Variants in MXRA7 observed in about 807,000 individuals in gnomAD.
MXRA7 encodes the protein matrix remodeling associated 7.
MXRA7 carries 18 observed loss-of-function variants against 17.4 expected under a neutral mutation model. The ratio of observed to expected loss-of-function variants is 1.03; its 90% CI spans 0.71 to 1.53. The LOEUF (loss-of-function observed/expected upper bound fraction) is 1.53, where lower values mean the gene tolerates loss of function less well. Ranked by LOEUF, MXRA7 falls within the 40% of genes most tolerant of loss-of-function variation. The pLI is 0.00. For synonymous variants in MXRA7, 70 were observed against 101.7 expected, an observed-to-expected ratio of 0.69 and a Z score of 1.87; for missense variants, 141 against 209.3, an observed-to-expected ratio of 0.67 and a Z score of 2.01.
rs2076373516 is a variant in MXRA7, at chr17:76,685,165, C to T, written c.407G>A (p.Gly136Glu). The T allele has an allele frequency of 6.2e-7, 1 of 1,612,684 alleles. No homozygotes were observed. Among genetic ancestry groups the T allele is most frequent in the Non-Finnish European group, 8.5e-7 (1 of 1,178,844 alleles). Residue 136 changes from glycine (G) to glutamate (E), a missense_variant and splice_region_variant, in exon 3 of 4, where the codon GGA becomes GAA. Physicochemically the swap from Gly to Glu is moderately conservative, Grantham distance 98 (BLOSUM62 -2). This residue lies in a region of MXRA7 where 67 missense variants were observed against 80.3 expected (regional missense o/e 0.83). Coordinates refer to ENST00000449428, the MANE Select transcript of MXRA7 (RefSeq NM_198530.4). The stretch of plus-strand genomic sequence containing the variant: ...GCTGTATTTGAAGGAGAAGCCTTCT[C>T]CTGTGGAGGGGGGACCCAGTAAGTG... ...PSSEGPEEED[G>E]EGFSFKYSPG...
chr17:76,696,908 C>A (rs1369109000), intron 1 of MXRA7, among the ~76,000 whole-genome samples: 3 of 152,166 alleles, frequency 2.0e-5, no homozygotes, highest in Non-Finnish European at 2.9e-5. Context: ...GCAGCTGATT[C>A]TTCCTGAGGT....
rs138986563 is a variant in MXRA7, at chr17:76,702,049, G to A, written c.342+8556C>T. ...CGCAACCCCTATCAGGGAATATCAG[G>A]TCGAATTCTAGGTGCTACATTTTGA... On this transcript the variant is annotated intron_variant, in intron 1 of 3. Coordinates refer to ENST00000449428, the MANE Select transcript of MXRA7 (RefSeq NM_198530.4). 1.1e-3 allele frequency among the ~76,000 whole-genome samples: 174 copies of A among 152,332 alleles called. 2 individuals carry two copies. The Middle Eastern group carries it at 0.017, about 15-fold the overall frequency.
chr17:76,710,553 G>A, intron 1 of MXRA7, 52 bp downstream of exon 1: 1 of 1,222,668 alleles, frequency 8.2e-7, no homozygotes, highest in South Asian at 2.8e-5. Context: ...AACGGCAGCG[G>A]CAGCCGGAGC....
chr17:76,673,245 G>C (rs1043162734), exon 4 of MXRA7: 2 of 152,210 alleles, frequency 1.3e-5, no homozygotes, highest in African/African-American at 4.8e-5. Flanking sequence ...CCCCCTCAAG[G>C]CTGTGAGGAG....
At chr17:76,705,059 A>G (rs969921684) in intron 1 of MXRA7, among the ~76,000 whole-genome samples, 5 of 152,258 alleles carry the variant, frequency 3.3e-5, no homozygotes, top group African/African-American at 1.2e-4. Context: ...CAAAAAGGAA[A>G]CTGTCTGCAT....
At position 76,688,079 on chromosome 17, in the gene MXRA7, CA is replaced by C. The variant is rs148853246; in HGVS notation, c.406+33del. On this transcript the variant is annotated intron_variant, in intron 2 of 3. Coordinates refer to ENST00000449428, the MANE Select transcript of MXRA7 (RefSeq NM_198530.4). Reference sequence around the variant, plus strand: ...GGACACAGACCACCCCCGACACTGTCAGGCCCCCTCATGAGCGCAGAGGTCC... The same window carrying C: ...GGACACAGACCACCCCCGACACTGTCGGCCCCCTCATGAGCGCAGAGGTCC... 800 of 1,608,988 alleles carry C rather than the reference CA, an allele frequency of 5.0e-4. 7 individuals are homozygous for C. The African/African-American group carries it at 9.7e-3, about 19-fold the overall frequency.
At chr17:76,687,851 C>A (rs946186787) in intron 2 of MXRA7, among the ~76,000 whole-genome samples, 8 of 152,218 alleles carry the variant, frequency 5.3e-5, no homozygotes, top group African/African-American at 1.9e-4. Flanking sequence ...CAGAGCCAGG[C>A]AGGGCGTGTA....
At chr17:76,695,804 G>A (rs2076528027) in intron 1 of MXRA7, among the ~76,000 whole-genome samples, 1 of 152,114 alleles carries the variant, frequency 6.6e-6, no homozygotes, top group Non-Finnish European at 1.5e-5. Context: ...CAGAAATAGT[G>A]TGCAGAGGCT....
chr17:76,688,405 T>TGTGCACC, intron 1 of MXRA7: 1 of 1,409,768 alleles, frequency 7.1e-7, no homozygotes, highest in Non-Finnish European at 9.2e-7. Flanking sequence ...TGTTCTTGAC[T>TGTGCACC]GTGCACCCCA....
intron 1 of MXRA7, among the ~76,000 whole-genome samples, chr17:76,708,319 A>T (rs2076683855): frequency 6.6e-6 from 1 of 152,114 alleles, no homozygotes; most frequent in Non-Finnish European, 1.5e-5. Flanking sequence ...GGGAGGGGAG[A>T]GGTGAGTTAC....
At chr17:76,688,708 A>C (rs919515649) in intron 1 of MXRA7, 2 of 1,227,314 alleles carry the variant, frequency 1.6e-6, no homozygotes, top group Non-Finnish European at 2.0e-6. Flanking sequence ...GACACAATAA[A>C]CAGATGATCA....
intron 3 of MXRA7, among the ~76,000 whole-genome samples, chr17:76,682,376 G>C (rs2076317025): frequency 6.6e-6 from 1 of 152,170 alleles, no homozygotes; most frequent in Non-Finnish European, 1.5e-5. Context: ...AACCTGACAG[G>C]CGGAGAGAGA....
At chr17:76,686,542 A>C (rs1598342996) in intron 2 of MXRA7, among the ~76,000 whole-genome samples, 1 of 152,160 alleles carries the variant, frequency 6.6e-6, no homozygotes, top group Non-Finnish European at 1.5e-5. Flanking sequence ...CTTAGGTTTC[A>C]ATTTATGGGG....
intron 1 of MXRA7, among the ~76,000 whole-genome samples, chr17:76,693,258 A>G (rs1308422843): frequency 6.7e-6 from 1 of 149,754 alleles, no homozygotes. Flanking sequence ...TCACGAGGTC[A>G]TTAGTTCGAG....
intron 3 of MXRA7, among the ~76,000 whole-genome samples, chr17:76,684,331 G>C (rs936698404): frequency 1.3e-5 from 2 of 152,132 alleles, no homozygotes; most frequent in Admixed American, 6.5e-5. Context: ...CTACCACCTA[G>C]ACTTCTGCTT....
At chr17:76,688,508 G>A (rs2076435450) in intron 1 of MXRA7, 1 of 1,314,708 alleles carries the variant, frequency 7.6e-7, no homozygotes, top group African/African-American at 1.5e-5. Context: ...CTGCGACGCT[G>A]CGGCCAGCAG....
chr17:76,693,698 T>C (rs1424959186), intron 1 of MXRA7, among the ~76,000 whole-genome samples: 1 of 151,782 alleles, frequency 6.6e-6, no homozygotes, highest in Non-Finnish European at 1.5e-5. Context: ...ATTACAAAAA[T>C]TAGCTGGGCA....
chr17:76,692,121 A>C (rs537084655), intron 1 of MXRA7, among the ~76,000 whole-genome samples: 2 of 151,912 alleles, frequency 1.3e-5, no homozygotes, highest in East Asian at 3.9e-4. Context: ...AGGCCGAGGC[A>C]GGTGCGTCGC....
chr17:76,684,953 G>T, intron 3 of MXRA7, 119 bp downstream of exon 3: 1 of 807,792 alleles, frequency 1.2e-6, no homozygotes, highest in Non-Finnish European at 2.1e-6. Context: ...GGCAGAGCGT[G>T]TAGGAGCCCC....
Sources: gnomAD v4.1 joint callset for allele counts (sites outside exome capture counted in the v4.1 genomes callset) on GRCh38, gnomAD v4.1.1 for gene constraint, gnomAD v4.1.1 regional missense constraint, MANE v1.5 for transcripts, NCBI Gene and HGNC (gene_info 2026-07-23, HGNC 2026-07-21) for gene names.